Variants in SPAG16 observed in about 807,000 individuals in gnomAD.
SPAG16 encodes the protein sperm-associated antigen 16 protein.
A neutral mutation model predicts 80.4 loss-of-function variants in SPAG16; 86 were observed. The observed-to-expected ratio is 1.07, with a 90% CI of 0.90 to 1.28. SPAG16 has a LOEUF of 1.28. SPAG16 is among the 50% of genes most tolerant of loss of function. The probability of loss-of-function intolerance (pLI) is 0.00; values close to 1 mark genes in which losing one functional copy is unlikely to be tolerated. For synonymous variants in SPAG16, 294 were observed against 265.9 expected (o/e 1.11, Z -1.03); for missense variants, 870 against 765.3 (o/e 1.14, Z -1.61).
At chr2:213,636,620 A>G (rs1037619656) in intron 10 of SPAG16, among the ~76,000 whole-genome samples, 2 of 152,212 alleles carry the variant, frequency 1.3e-5, no homozygotes, top group Middle Eastern at 3.4e-3. Context: ...TGTTTCATCT[A>G]TGATTTCTTT....
intron 13 of SPAG16, among the ~76,000 whole-genome samples, chr2:214,016,066 T>G (rs1301988079): frequency 1.3e-5 from 2 of 152,096 alleles, no homozygotes; most frequent in Non-Finnish European, 2.9e-5. Context: ...ATGAGGGTTT[T>G]CCTGAGTCAT....
At chr2:213,535,135 A>G (rs757757510) in intron 10 of SPAG16, among the ~76,000 whole-genome samples, 5 of 152,142 alleles carry the variant, frequency 3.3e-5, no homozygotes, top group African/African-American at 4.8e-5. Flanking sequence ...ATGTTTATAA[A>G]AATGTTTAAA....
At chr2:214,322,436 T>C (rs1047635404) in intron 15 of SPAG16, among the ~76,000 whole-genome samples, 18 of 149,384 alleles carry the variant, frequency 1.2e-4, no homozygotes, top group African/African-American at 3.9e-4. Flanking sequence ...TTTAAAGAGA[T>C]AAAATTGCCT....
chr2:213,797,661 T>C (rs890390469), intron 10 of SPAG16, among the ~76,000 whole-genome samples: 3 of 152,266 alleles, frequency 2.0e-5, no homozygotes, highest in Non-Finnish European at 4.4e-5. Flanking sequence ...GTTTCTCAGA[T>C]CATATTCCCA....
chr2:214,101,970 C>T (rs938951690), intron 13 of SPAG16, among the ~76,000 whole-genome samples: 1 of 152,008 alleles, frequency 6.6e-6, no homozygotes, highest in South Asian at 2.1e-4. Context: ...AATATGCTCC[C>T]GGGTTAGAAC....
At chr2:214,040,082 A>C (rs2048926286) in intron 13 of SPAG16, among the ~76,000 whole-genome samples, 2 of 152,168 alleles carry the variant, frequency 1.3e-5, no homozygotes, top group African/African-American at 4.8e-5. Flanking sequence ...AAGATATCTT[A>C]AAGGGCCAAG....
At chr2:213,800,727 A>G (rs535388918) in intron 10 of SPAG16, among the ~76,000 whole-genome samples, 3 of 152,204 alleles carry the variant, frequency 2.0e-5, no homozygotes, top group Non-Finnish European at 2.9e-5. Context: ...CAGGTATACT[A>G]CATCCAAAAA....
chr2:214,081,283 G>T (rs2051380524), intron 13 of SPAG16, among the ~76,000 whole-genome samples: 1 of 152,106 alleles, frequency 6.6e-6, no homozygotes, highest in Non-Finnish European at 1.5e-5. Context: ...AATCTCTGTT[G>T]TTGGTTGAAT....
At chr2:214,011,849 A>G (rs559548395) in intron 12 of SPAG16, among the ~76,000 whole-genome samples, 3 of 152,232 alleles carry the variant, frequency 2.0e-5, no homozygotes, top group African/African-American at 7.2e-5. Flanking sequence ...AAATTTTCAT[A>G]TCTTTTGATG....
chr2:213,938,270 GGTTTAGTATATTTCT>G (rs2079067122), intron 12 of SPAG16, among the ~76,000 whole-genome samples: 1 of 151,804 alleles, frequency 6.6e-6, no homozygotes, highest in South Asian at 2.1e-4. Context: ...TGACTAAAAG[GGTTTAGTATATTTCT>G]ACACTAATGT....
rs780699556 is a variant in SPAG16, at chr2:213,284,535, G to A, written c.52G>A (p.Ala18Thr). The change falls in exon 1 of 16, where the codon GCG becomes ACG. Residue 18 changes from alanine (A) to threonine (T), a missense_variant. By Grantham distance (58) the Ala-to-Thr change is moderately conservative. Coordinates refer to ENST00000331683, the MANE Select transcript of SPAG16 (RefSeq NM_024532.5). ...CTCCGCCGTGAGGGTCCTGGAAGAG[G>A]CGTTGGGCATGGGTTTGACGGCAGC... Reference protein sequence around the residue: ...PSSAVRVLEEALGMGLTAAGD... With the variant: ...PSSAVRVLEETLGMGLTAAGD... 3 of 1,600,588 alleles carry A rather than the reference G, an allele frequency of 1.9e-6. No homozygotes were observed. Among genetic ancestry groups the A allele is most frequent in the Non-Finnish European group, 2.6e-6 (3 of 1,173,948 alleles).
intron 11 of SPAG16, among the ~76,000 whole-genome samples, chr2:213,921,721 T>C (rs2078233574): frequency 6.6e-6 from 1 of 152,216 alleles, no homozygotes; most frequent in Non-Finnish European, 1.5e-5. Flanking sequence ...TGTAAGGCAG[T>C]TCTGGTGGTA....
At chr2:214,230,662 G>A (rs1038356777) in intron 15 of SPAG16, among the ~76,000 whole-genome samples, 21 of 151,924 alleles carry the variant, frequency 1.4e-4, no homozygotes, top group Admixed American at 1.2e-3. Context: ...GAGATGAAAT[G>A]CAAAACCAAG....
At chr2:214,020,108 A>G (rs1245069392) in intron 13 of SPAG16, among the ~76,000 whole-genome samples, 1 of 152,068 alleles carries the variant, frequency 6.6e-6, no homozygotes, top group African/African-American at 2.4e-5. Flanking sequence ...TCTTTATTTC[A>G]CAACTGAGAA....
intron 9 of SPAG16, among the ~76,000 whole-genome samples, chr2:213,445,051 A>T (rs1438821084): frequency 6.6e-6 from 1 of 152,204 alleles, no homozygotes; most frequent in Non-Finnish European, 1.5e-5. Flanking sequence ...ATGCAGAAGA[A>T]TGAAACCGGA....
chr2:213,349,803 G>A lies in SPAG16; in HGVS notation c.645-725G>A, dbSNP rs1351267631. On this transcript the variant is annotated intron_variant, in intron 6 of 15. Coordinates refer to ENST00000331683, the MANE Select transcript of SPAG16 (RefSeq NM_024532.5). Reference sequence around the variant, plus strand: ...TGAGTGAAATAAACTAGTTAAAAAAGAGAACATGTTATATGATACCAAATA... The same window carrying A: ...TGAGTGAAATAAACTAGTTAAAAAAAAGAACATGTTATATGATACCAAATA... 2.6e-5 allele frequency among the ~76,000 whole-genome samples: 4 copies of A among 152,048 alleles called. No individual in the cohort carries two copies. The East Asian group carries it at 7.7e-4, about 29-fold the overall frequency.
At chr2:213,450,948 G>C (rs2071648265) in intron 9 of SPAG16, among the ~76,000 whole-genome samples, 1 of 151,996 alleles carries the variant, frequency 6.6e-6, no homozygotes, top group Non-Finnish European at 1.5e-5. Flanking sequence ...TTTTGTTTTG[G>C]AATTAATTAA....
At position 214,073,083 on chromosome 2, in the gene SPAG16, T is replaced by C. The variant is rs556967427; in HGVS notation, c.1528-35113T>C. ...CATGAAAAGATACCTTGCAGTCCTA[T>C]ATACTTGTAACAAACAACTAGAAAA... On this transcript the variant is annotated intron_variant, in intron 13 of 15. Coordinates refer to ENST00000331683, the MANE Select transcript of SPAG16 (RefSeq NM_024532.5). Among the ~76,000 whole-genome samples the C allele has an allele frequency of 9.9e-5, 15 of 152,214 alleles. No individual in the cohort carries two copies. The South Asian group carries it at 2.9e-3, about 29-fold the overall frequency.
At chr2:213,480,696 A>G (rs1272390305) in intron 9 of SPAG16, among the ~76,000 whole-genome samples, 2 of 152,136 alleles carry the variant, frequency 1.3e-5, no homozygotes, top group Non-Finnish European at 2.9e-5. Flanking sequence ...GAACCTCCAT[A>G]TGCTTTTGGC....
Sources: gnomAD v4.1 joint callset for allele counts (sites outside exome capture counted in the v4.1 genomes callset) on GRCh38, gnomAD v4.1.1 for gene constraint, MANE v1.5 for transcripts, NCBI Gene and HGNC (gene_info 2026-07-23, HGNC 2026-07-21) for gene names.